The following SLC13A1 variants were observed in gnomAD, a reference collection of about 807,000 sequenced individuals.
SLC13A1 encodes solute carrier family 13 member 1, also known as Na(+)/sulfate cotransporter.
A neutral mutation model predicts 70.0 loss-of-function variants in SLC13A1; 65 were observed. The ratio of observed to expected loss-of-function variants is 0.93; its 90% CI spans 0.76 to 1.14. SLC13A1 has a LOEUF of 1.14. Among genes scored for constraint, SLC13A1 ranks in the 50% most tolerant of loss-of-function variants. SLC13A1 has a pLI of 0.00. For missense variants in SLC13A1, 726 were observed against 717.8 expected, an observed-to-expected ratio of 1.01 and a Z score of -0.13; for synonymous variants, 275 against 250.5, an observed-to-expected ratio of 1.10 and a Z score of -0.92.
intron 3 of SLC13A1, among the ~76,000 whole-genome samples, chr7:123,170,622 T>TTTTTTTTGTTTG (rs143459546): frequency 2.7e-5 from 4 of 150,896 alleles, no homozygotes; most frequent in Non-Finnish European, 5.9e-5. Flanking sequence ...TTTTGGTTTT[T>TTTTTTTTGTTTG]TTTGTTTGTT....
At chr7:123,147,402 T>C (rs1416638870) in intron 6 of SLC13A1, 92 bp from the exon 7 acceptor site, 2 of 1,410,094 alleles carry the variant, frequency 1.4e-6, no homozygotes, top group African/African-American at 1.4e-5. Context: ...CCAATTCATA[T>C]GTTGAAACCC....
At chr7:123,146,579 AC>A (rs747341045) in intron 7 of SLC13A1, among the ~76,000 whole-genome samples, 13 of 152,324 alleles carry the variant, frequency 8.5e-5, no homozygotes, top group Non-Finnish European at 1.9e-4. Flanking sequence ...GGATTTTTTA[AC>A]CCAAGTGTTC....
Position 123,125,691 on chromosome 7 carries a change from ATACATG to A in SLC13A1, c.1134-22_1134-17del. 6.4e-7 allele frequency: 1 copy of A among 1,557,744 alleles called. No homozygotes were observed. The highest frequency in any genetic ancestry group is 1.7e-4 in the Middle Eastern group (1 of 5,918). On this transcript the variant is annotated splice_polypyrimidine_tract_variant and intron_variant, in intron 10 of 14. Coordinates refer to ENST00000194130, the MANE Select transcript of SLC13A1 (RefSeq NM_022444.4). ...ACCAGGGTACCTGTAAAAGGGACAAATACATGTATTAAAAATAGCATCAAGAACTTA... is the reference window on the plus strand; with the variant it reads ...ACCAGGGTACCTGTAAAAGGGACAAATATTAAAAATAGCATCAAGAACTTA...
chr7:123,161,914 T>G (rs1216485982), intron 6 of SLC13A1, among the ~76,000 whole-genome samples: 1 of 152,168 alleles, frequency 6.6e-6, no homozygotes, highest in Non-Finnish European at 1.5e-5. Context: ...TGGTATACAT[T>G]ATCTTATTTT....
At chr7:123,131,456 T>A (rs183608966) in intron 8 of SLC13A1, among the ~76,000 whole-genome samples, 175 of 152,320 alleles carry the variant, frequency 1.1e-3, no homozygotes, top group African/African-American at 3.9e-3. Flanking sequence ...TTGGCATTGC[T>A]ACAAATGAAG....
intron 6 of SLC13A1, among the ~76,000 whole-genome samples, chr7:123,153,121 A>G (rs970883149): frequency 6.6e-6 from 1 of 152,096 alleles, no homozygotes; most frequent in Admixed American, 6.6e-5. Context: ...AAATATATGC[A>G]TATATATAGA....
At chr7:123,140,211 T>C (rs138754337) in intron 7 of SLC13A1, among the ~76,000 whole-genome samples, 1 of 152,110 alleles carries the variant, frequency 6.6e-6, no homozygotes, top group African/African-American at 2.4e-5. Flanking sequence ...TCCTTCCTTT[T>C]GTTGTTATGA....
intron 6 of SLC13A1, among the ~76,000 whole-genome samples, chr7:123,166,670 T>G (rs1795088617): frequency 2.6e-5 from 4 of 152,148 alleles, no homozygotes; most frequent in Non-Finnish European, 5.9e-5. Context: ...TTGCGATAGT[T>G]TGCTGAGAAT....
intron 7 of SLC13A1, among the ~76,000 whole-genome samples, chr7:123,143,283 C>CTTCT (rs1794224830): frequency 6.6e-6 from 1 of 152,130 alleles, no homozygotes; most frequent in Non-Finnish European, 1.5e-5. Flanking sequence ...GCTCAAGGCA[C>CTTCT]AGTTCAGCAC....
intron 6 of SLC13A1, chr7:123,148,700 G>GA: frequency 4.1e-6 from 1 of 242,182 alleles, no homozygotes; most frequent in South Asian, 4.0e-5. Flanking sequence ...TATTTAATAA[G>GA]AAAAATCCCA....
At chr7:123,167,850 G>A (rs751795299) in intron 6 of SLC13A1, among the ~76,000 whole-genome samples, 1 of 151,880 alleles carries the variant, frequency 6.6e-6, no homozygotes, top group African/African-American at 2.4e-5. Flanking sequence ...TCATAACCTG[G>A]AAGAAATGAC....
At position 123,171,767 on chromosome 7, in the gene SLC13A1, C is replaced by A. The variant is rs1258998300; in HGVS notation, c.365+1G>T. 1.2e-6 allele frequency: 2 copies of A among 1,613,518 alleles called. No homozygotes were observed. Among genetic ancestry groups the A allele is most frequent in the African/African-American group, 2.7e-5 (2 of 74,886 alleles). On this transcript the variant is annotated splice_donor_variant, in intron 3 of 14. Coordinates refer to ENST00000194130, the MANE Select transcript of SLC13A1 (RefSeq NM_022444.4). LOFTEE classifies it high-confidence loss of function. ...CTGGAAGCAGTAAATGCAGTACTTACCATGCAGGATTTACACCAACCATCA... is the reference window on the plus strand; with the variant it reads ...CTGGAAGCAGTAAATGCAGTACTTAACATGCAGGATTTACACCAACCATCA...
At chr7:123,192,208 C>T (rs1291046080) in intron 1 of SLC13A1, among the ~76,000 whole-genome samples, 2 of 152,176 alleles carry the variant, frequency 1.3e-5, no homozygotes, top group Admixed American at 6.6e-5. Flanking sequence ...CCATCACAGA[C>T]ATTCCCACTT....
rs141937240 is a variant in SLC13A1 at position 123,169,273 on chromosome 7, G to T, written c.428C>A (p.Thr143Lys). ...CGCAATGGGCATCACCATGGCAGCC[G>T]TCGAGGTGTTGCTGAGCCACATAGA... ...FLSMWLSNTS[T>K]AAMVMPIAEA... Residue 143 changes from threonine (T) to lysine (K), a missense_variant, in exon 4 of 15, where the codon ACG (threonine) becomes AAG (lysine). Thr to Lys is a moderately conservative substitution (Grantham distance 78). Transcript: ENST00000194130. 129 of 1,613,800 alleles carry T rather than the reference G, an allele frequency of 8.0e-5. No homozygotes were observed. The highest frequency in any genetic ancestry group is 1.0e-4 in the Non-Finnish European group (120 of 1,180,008).
chr7:123,128,880 G>A lies in SLC13A1; in HGVS notation c.1098C>T (p.Pro366=), dbSNP rs998975353. 19 of 1,613,210 alleles carry A rather than the reference G, an allele frequency of 1.2e-5. No individual in the cohort carries two copies. Among genetic ancestry groups the A allele is most frequent in the East Asian group, 1.1e-4 (5 of 44,810 alleles). Residue 366 remains proline (P), a synonymous_variant, in exon 10 of 15, where the codon CCC becomes CCT. Transcript: ENST00000194130. ...IMALLWFSRD[P]GFVPGWSALF... is the part of the protein sequence containing the mutation. ...GTGCAGACCAACCAGGAACAAATCC[G>A]GGGTCTCGACTAAACCATAGCAGAG...
chr7:123,192,215 AC>A (rs1005042355), intron 1 of SLC13A1, among the ~76,000 whole-genome samples: 6 of 152,132 alleles, frequency 3.9e-5, no homozygotes, highest in African/African-American at 1.4e-4. Flanking sequence ...AGACATTCCC[AC>A]TTACCCAGCC....
At chr7:123,172,035 T>C (rs1795293264) in intron 2 of SLC13A1, 131 bp from the exon 3 acceptor site, 3 of 797,288 alleles carry the variant, frequency 3.8e-6, no homozygotes, top group Non-Finnish European at 5.9e-6. Flanking sequence ...TTGAGAAAAA[T>C]GTAGATGTGT....
intron 2 of SLC13A1, among the ~76,000 whole-genome samples, chr7:123,172,182 G>T (rs2116566525): frequency 6.6e-6 from 1 of 152,262 alleles, no homozygotes; most frequent in East Asian, 1.9e-4. Context: ...GGGCTAATTT[G>T]TTTATGCATC....
chr7:123,162,695 G>A (rs528137554), intron 6 of SLC13A1, among the ~76,000 whole-genome samples: 85 of 151,938 alleles, frequency 5.6e-4, no homozygotes, highest in African/African-American at 2.0e-3. Context: ...CTCCTTATTT[G>A]GCAGAACTAA....
Sources: gnomAD v4.1 joint callset for allele counts (sites outside exome capture counted in the v4.1 genomes callset) on GRCh38, gnomAD v4.1.1 for gene constraint, MANE v1.5 for transcripts, NCBI Gene and HGNC (gene_info 2026-07-23, HGNC 2026-07-21) for gene names.